The following SNX24 variants were observed in gnomAD, a reference collection of about 807,000 sequenced individuals.
SNX24 encodes the protein sorting nexin-24.
A neutral mutation model predicts 28.7 loss-of-function variants in SNX24; 22 were observed. The ratio of observed to expected loss-of-function variants is 0.77; its 90% CI spans 0.55 to 1.10. The LOEUF (loss-of-function observed/expected upper bound fraction) is 1.10. SNX24 is among the 50% of genes least tolerant of loss of function. SNX24 has a pLI of 0.00. For missense variants in SNX24, 221 were observed against 201.1 expected (o/e 1.10, Z -0.60); for synonymous variants, 69 against 71.5 (o/e 0.96, Z 0.18).
At chr5:122,946,339 A>G (rs1759684290) in intron 3 of SNX24, among the ~76,000 whole-genome samples, 180 bp downstream of exon 3, 1 of 152,218 alleles carries the variant, frequency 6.6e-6, no homozygotes. Flanking sequence ...TTAGGGTTCT[A>G]TTTAAAATTG....
intron 1 of SNX24, among the ~76,000 whole-genome samples, chr5:122,911,566 A>G (rs201904342): frequency 6.7e-6 from 1 of 149,224 alleles, no homozygotes; most frequent in East Asian, 2.0e-4. Flanking sequence ...CTGAATGGTA[A>G]TGCCTAGGTT....
Position 122,936,820 on chromosome 5 carries a change from A to AT in SNX24, c.144+3_144+4insT. 1 of 1,596,442 alleles carries AT rather than the reference A, an allele frequency of 6.3e-7. No homozygotes were observed. Among genetic ancestry groups the AT allele is most frequent in the Non-Finnish European group, 8.6e-7 (1 of 1,166,340 alleles). ...AATTTCATGCTTTGCACAAAAAGGT[A>AT]ACTTGTTTTCTGTTTTTTTGTCTTT... On this transcript the variant is annotated splice_donor_region_variant and intron_variant, in intron 2 of 6. Coordinates refer to ENST00000261369, the MANE Select transcript of SNX24 (RefSeq NM_014035.4).
chr5:123,007,611 C>A, intron 6 of SNX24, 71 bp from the exon 7 acceptor site: 1 of 1,308,050 alleles, frequency 7.6e-7, no homozygotes, highest in Non-Finnish European at 1.1e-6. Flanking sequence ...CTACAGAATG[C>A]AATTATATTT....
chr5:122,966,985 G>A (rs1760740297), intron 3 of SNX24, among the ~76,000 whole-genome samples: 1 of 152,132 alleles, frequency 6.6e-6, no homozygotes, highest in Non-Finnish European at 1.5e-5. Context: ...ATTTAGTCAT[G>A]AAAATTAAAT....
chr5:122,884,755 T>C (rs977686891), intron 1 of SNX24, among the ~76,000 whole-genome samples: 1 of 151,500 alleles, frequency 6.6e-6, no homozygotes, highest in Non-Finnish European at 1.5e-5. Flanking sequence ...TGTCGAGGAG[T>C]GGGGGTGCTC....
chr5:122,901,161 A>G (rs557316722), intron 1 of SNX24, among the ~76,000 whole-genome samples: 53 of 150,214 alleles, frequency 3.5e-4, no homozygotes, highest in African/African-American at 1.1e-3. Flanking sequence ...AGATTGTGCT[A>G]TTGCACTCCA....
chr5:122,857,793 C>CT (rs1209258230), intron 1 of SNX24, among the ~76,000 whole-genome samples: 6 of 151,958 alleles, frequency 3.9e-5, no homozygotes, highest in Non-Finnish European at 7.4e-5. Context: ...ACCACCTTTT[C>CT]TTTTTTTGAG....
intron 1 of SNX24, among the ~76,000 whole-genome samples, chr5:122,856,659 G>A (rs1385615716): frequency 6.6e-6 from 1 of 151,780 alleles, no homozygotes; most frequent in Non-Finnish European, 1.5e-5. Flanking sequence ...GGGATTACAG[G>A]TGCCCGCCAA....
chr5:122,899,230 T>G (rs1488736663), intron 1 of SNX24, among the ~76,000 whole-genome samples: 1 of 152,134 alleles, frequency 6.6e-6, no homozygotes, highest in Non-Finnish European at 1.5e-5. Flanking sequence ...AGTAAATCCC[T>G]TGCTGTTGGT....
downstream of SNX24, among the ~76,000 whole-genome samples, chr5:123,012,658 A>G (rs997435378): frequency 1.3e-5 from 2 of 152,206 alleles, no homozygotes; most frequent in African/African-American, 2.4e-5. Flanking sequence ...ATTTTATGTC[A>G]TGTATATTTT....
chr5:122,960,712 G>C (rs184952731), intron 3 of SNX24, among the ~76,000 whole-genome samples: 17 of 152,246 alleles, frequency 1.1e-4, no homozygotes, highest in African/African-American at 2.9e-4. Context: ...ACTCAACTGA[G>C]ACTCAGGTCT....
intron 1 of SNX24, 82 bp downstream of exon 1, chr5:122,845,775 C>A: frequency 1.2e-6 from 1 of 821,664 alleles, no homozygotes; most frequent in Non-Finnish European, 1.7e-6. Context: ...TGGCCGCCGC[C>A]GCCTTGGCGC....
chr5:122,991,884 A>G (rs1484483133), intron 3 of SNX24, among the ~76,000 whole-genome samples: 1 of 152,222 alleles, frequency 6.6e-6, no homozygotes, highest in Non-Finnish European at 1.5e-5. Context: ...AATCCAAGGA[A>G]AATCAAGAAT....
chr5:122,869,276 G>C (rs950080609), intron 1 of SNX24, among the ~76,000 whole-genome samples: 10 of 152,166 alleles, frequency 6.6e-5, no homozygotes, highest in African/African-American at 2.4e-4. Context: ...TATGGAGGCT[G>C]TCCTTGGGGA....
chr5:123,006,561 TC>T (rs747203551), intron 6 of SNX24, among the ~76,000 whole-genome samples: 16 of 152,228 alleles, frequency 1.1e-4, no homozygotes, highest in Non-Finnish European at 2.2e-4. Context: ...TTCAACTCTG[TC>T]CCACTCTGCT....
chr5:122,881,023 C>T (rs1756456663), intron 1 of SNX24, among the ~76,000 whole-genome samples: 1 of 152,152 alleles, frequency 6.6e-6, no homozygotes, highest in African/African-American at 2.4e-5. Context: ...TTGTCATGTC[C>T]CTGCTGCTAT....
intron 3 of SNX24, among the ~76,000 whole-genome samples, chr5:122,947,656 A>G (rs1759747350): frequency 6.6e-6 from 1 of 152,234 alleles, no homozygotes; most frequent in Non-Finnish European, 1.5e-5. Context: ...TGATCCTTCC[A>G]TAGCTTCAGG....
chr5:123,014,333 ATTTTTTTTTTTTTT>A (rs70988553), intron 5 of SNX24, among the ~76,000 whole-genome samples: 2 of 77,270 alleles, frequency 2.6e-5, no homozygotes, highest in African/African-American at 1.1e-4. Context: ...TGCCCAGCTG[ATTTTTTTTTTTTTT>A]TTTTTTTTTT....
intron 3 of SNX24, among the ~76,000 whole-genome samples, chr5:122,998,793 T>G (rs1762140188): frequency 6.6e-6 from 1 of 152,214 alleles, no homozygotes; most frequent in Admixed American, 6.5e-5. Flanking sequence ...GATATAGAAC[T>G]ATGTATCTAC....
Sources: gnomAD v4.1 joint callset for allele counts (sites outside exome capture counted in the v4.1 genomes callset) on GRCh38, gnomAD v4.1.1 for gene constraint, MANE v1.5 for transcripts, NCBI Gene and HGNC (gene_info 2026-07-23, HGNC 2026-07-21) for gene names.